The following OR2J1 variants were observed in gnomAD, a reference collection of about 807,000 sequenced individuals.
OR2J1 encodes the protein olfactory receptor 2J1.
In OR2J1, 10 loss-of-function variants were observed where a neutral mutation model predicts 10.2. That is an observed-to-expected ratio of 0.98 (90% CI 0.60 to 1.66). The LOEUF is 1.66. OR2J1 is among the 40% of genes most tolerant of loss of function. The pLI is 0.00. For missense variants in OR2J1, 317 were observed against 379.4 expected (o/e 0.84, Z 1.37); for synonymous variants, 143 against 138.8 (o/e 1.03, Z -0.21).
Position 29,102,118 on chromosome 6 carries a change from G to A in OR2J1, c.*237G>A. On this transcript the variant is annotated 3_prime_UTR_variant, in exon 2 of 2. Transcript: ENST00000641659. ...CTATATTTATTTCCATGAAAATTGT[G>A]GACTGTGGTTTCAACATAAATAAAT... 1 of 424,356 alleles carries A rather than the reference G, an allele frequency of 2.4e-6. No individual in the cohort carries two copies. Among genetic ancestry groups the A allele is most frequent in the Non-Finnish European group, 4.1e-6 (1 of 241,120 alleles). 26.3% of individuals were successfully genotyped at this position (424,356 alleles called of 1,614,324 possible).
Position 29,101,951 on chromosome 6 carries a change from T to C in OR2J1, c.*70T>C. 1.5e-6 allele frequency: 1 copy of C among 659,928 alleles called. No individual in the cohort carries two copies. 40.9% of individuals were successfully genotyped at this position (659,928 alleles called of 1,614,324 possible). A position where few individuals can be genotyped will look rare whatever the true frequency, so the allele number is the denominator to read the frequency against. ...TTTTGAAAGGTTGTTTCCCTGCTTC[T>C]TTGTGATTTGTGTTTCATCTAACAG... On this transcript the variant is annotated 3_prime_UTR_variant, in exon 2 of 2. Transcript: ENST00000641659.
rs746609332 is a variant in OR2J1 at position 29,101,309 on chromosome 6, C to T, written c.367C>T (p.Arg123Cys). Residue 123 changes from arginine to cysteine, a missense_variant, in exon 2 of 2, where the codon CGT (arginine) becomes TGT (cysteine). Physicochemically the swap from Arg to Cys is radical, Grantham distance 180 (BLOSUM62 -3). Coordinates refer to ENST00000641659, the MANE Select transcript of OR2J1 (RefSeq NM_001348294.2). ...CVLLVVMSYD[R>C]YAAVCRPLHY... ...CCTACTGGTGGTGATGTCCTATGAT[C>T]GTTATGCAGCTGTGTGTAGACCTTT... is the stretch of plus-strand genomic sequence containing the variant. 8 of 1,602,504 alleles carry T rather than the reference C, an allele frequency of 5.0e-6. No homozygotes were observed. Among genetic ancestry groups the T allele is most frequent in the East Asian group, 4.5e-5 (2 of 44,868 alleles).
At position 29,101,725 on chromosome 6, in the gene OR2J1, C is replaced by A; in HGVS notation, c.783C>A (p.Leu261=). The A allele has an allele frequency of 6.2e-7, 1 of 1,613,650 alleles. No individual in the cohort carries two copies. Among genetic ancestry groups the A allele is most frequent in the Admixed American group, 1.7e-5 (1 of 60,018 alleles). ...TCATTCCAGTCATGTGCATGTATCTCCAGCCACCATCAGAAAATTCTCAAG... is the reference window on the plus strand; with the variant it reads ...TCATTCCAGTCATGTGCATGTATCTACAGCCACCATCAGAAAATTCTCAAG... ...LFFIPVMCMY[L]QPPSENSQDQ... Residue 261 remains leucine (L), a synonymous_variant, in exon 2 of 2, where the codon CTC becomes CTA. Coordinates refer to ENST00000641659, the MANE Select transcript of OR2J1 (RefSeq NM_001348294.2).
At position 29,101,935 on chromosome 6, in the gene OR2J1, G is replaced by A; in HGVS notation, c.*54G>A. On this transcript the variant is annotated 3_prime_UTR_variant, in exon 2 of 2. Coordinates refer to ENST00000641659, the MANE Select transcript of OR2J1 (RefSeq NM_001348294.2). ...CCTAGGGTCTTATCCATTTTGAAAG[G>A]TTGTTTCCCTGCTTCTTTGTGATTT... 1.4e-6 allele frequency: 1 copy of A among 726,324 alleles called. No individual in the cohort carries two copies. Among genetic ancestry groups the A allele is most frequent in the Non-Finnish European group, 2.4e-6 (1 of 421,336 alleles). 45.0% of individuals were successfully genotyped at this position (726,324 alleles called of 1,614,324 possible).
At position 29,101,394 on chromosome 6, in the gene OR2J1, T is replaced by A. The variant is rs201705341; in HGVS notation, c.452T>A (p.Val151Glu). 1 of 1,570,338 alleles carries A rather than the reference T, an allele frequency of 6.4e-7. No individual in the cohort carries two copies. The highest frequency in any genetic ancestry group is 8.8e-7 in the Non-Finnish European group (1 of 1,139,886). Residue 151 changes from valine to glutamate, a missense_variant, in exon 2 of 2, where the codon GTA becomes GAA. Coordinates refer to ENST00000641659, the MANE Select transcript of OR2J1 (RefSeq NM_001348294.2). ...CGCTTGTTGGCTGCGGCTTCTTGGG[T>A]AAGTGGTTTTACAACCTCAGCACTT... ...FCRLLAAASWVSGFTTSALHS... is the reference protein window; with the variant it reads ...FCRLLAAASWESGFTTSALHS...
At position 29,101,141 on chromosome 6, in the gene OR2J1, C is replaced by G. The variant is rs1761573071; in HGVS notation, c.199C>G (p.Leu67Val). Reference protein sequence around the residue: ...HTPMYFFLSNLSFLDLCYTTS... With the variant: ...HTPMYFFLSNVSFLDLCYTTS... ...TCCCATGTACTTCTTCCTTTCAAAT[C>G]TCTCATTTCTGGATCTCTGCTACAC... The change falls in exon 2 of 2, where the codon CTC becomes GTC. Residue 67 changes from leucine (L) to valine (V), a missense_variant. Leu to Val is a conservative substitution (Grantham distance 32, BLOSUM62 1). Transcript: ENST00000641659. 1 of 1,581,776 alleles carries G rather than the reference C, an allele frequency of 6.3e-7. No individual in the cohort carries two copies. Among genetic ancestry groups the G allele is most frequent in the South Asian group, 1.1e-5 (1 of 90,356 alleles).
chr6:29,101,937 T>C lies in OR2J1; in HGVS notation c.*56T>C, dbSNP rs936864299. 4 of 713,130 alleles carry C rather than the reference T, an allele frequency of 5.6e-6. No individual in the cohort carries two copies. Among genetic ancestry groups the C allele is most frequent in the African/African-American group, 1.8e-5 (1 of 56,728 alleles). 44.2% of individuals were successfully genotyped at this position (713,130 alleles called of 1,614,324 possible). ...TAGGGTCTTATCCATTTTGAAAGGTTGTTTCCCTGCTTCTTTGTGATTTGT... is the reference window on the plus strand; with the variant it reads ...TAGGGTCTTATCCATTTTGAAAGGTCGTTTCCCTGCTTCTTTGTGATTTGT... On this transcript the variant is annotated 3_prime_UTR_variant, in exon 2 of 2. Transcript: ENST00000641659.
rs529532259 is a variant in OR2J1, at chr6:29,101,209, G to A, written c.267G>A (p.Pro89=). 115 of 1,597,530 alleles carry A rather than the reference G, an allele frequency of 7.2e-5. No individual in the cohort carries two copies. In the South Asian group the frequency reaches 1.0e-3, roughly 14 times the overall value. Residue 89 remains proline (P), a synonymous_variant, in exon 2 of 2, where the codon CCG becomes CCA. Transcript: ENST00000641659. ...IPQLLVNLWG[P]EKTISYAGCT... Reference sequence around the variant, plus strand: ...AGTTGCTGGTGAATCTCTGGGGCCCGGAAAAGACCATCTCTTATGCTGGTT... The same window carrying A: ...AGTTGCTGGTGAATCTCTGGGGCCCAGAAAAGACCATCTCTTATGCTGGTT...
In OR2J1 at chr6:29,100,835, G is replaced by A; in HGVS notation, c.-108G>A. On this transcript the variant is annotated 5_prime_UTR_variant, in exon 2 of 2. It introduces an in-frame stop codon into an upstream open reading frame of the 5' UTR. Transcript: ENST00000641659. ...ACTGCCATAATGGTGCACACTATCT[G>A]GAATTGGGATACTTTTTTCTCCAAT... 1.6e-6 allele frequency: 1 copy of A among 633,716 alleles called. No individual in the cohort carries two copies. Among genetic ancestry groups the A allele is most frequent in the Non-Finnish European group, 2.8e-6 (1 of 354,242 alleles). 39.3% of individuals were successfully genotyped at this position (633,716 alleles called of 1,614,324 possible).
Position 29,101,026 on chromosome 6 carries a change from C to G in OR2J1, c.84C>G (p.Leu28=), listed in dbSNP as rs141855056. 1.1e-5 allele frequency: 17 copies of G among 1,507,742 alleles called. No homozygotes were observed. The African/African-American group carries it at 2.1e-4, about 18-fold the overall frequency. The allele number at this position is 1,507,742 out of a possible 1,614,324, so 93.4% of individuals were successfully genotyped here. ...ACTGGCCTCATCTGGAAGTAGTTCT[C>G]TTTGTGGTTATCTTGATCTTCTACT... The part of the protein sequence containing the change: ...FSNWPHLEVV[L]FVVILIFYLI... The change falls in exon 2 of 2, where the codon CTC becomes CTG. Residue 28 remains leucine, a synonymous_variant. Transcript: ENST00000641659.
In OR2J1 at chr6:29,101,691, C is replaced by A; in HGVS notation, c.749C>A (p.Ser250Tyr). The A allele has an allele frequency of 6.2e-7, 1 of 1,613,756 alleles. No individual in the cohort carries two copies. The highest frequency in any genetic ancestry group is 8.5e-7 in the Non-Finnish European group (1 of 1,179,678). The change falls in exon 2 of 2, where the codon TCT (serine) becomes TAT (tyrosine). Residue 250 changes from serine (S) to tyrosine (Y), a missense_variant. Physicochemically the swap from Ser to Tyr is moderately radical, Grantham distance 144. Transcript: ENST00000641659. ...RTCGAHLMVVSLFFIPVMCMY... is the reference protein window; with the variant it reads ...RTCGAHLMVVYLFFIPVMCMY... ...TGTGGAGCCCATCTTATGGTTGTAT[C>A]TCTCTTTTTCATTCCAGTCATGTGC... is the stretch of plus-strand genomic sequence containing the variant.
Position 29,102,698 on chromosome 6 carries a change from CTG to C in OR2J1, c.*818_*819del, listed in dbSNP as rs1203882962. The C allele has an allele frequency of 2.0e-5, 3 of 152,134 alleles. No homozygotes were observed. Among genetic ancestry groups the C allele is most frequent in the Non-Finnish European group, 4.4e-5 (3 of 68,012 alleles). The allele number at this position is 152,134 out of a possible 1,614,324, so 9.4% of individuals were successfully genotyped here. The stretch of plus-strand genomic sequence containing the variant: ...TATCTGTACATGGCTTAATTTGTCA[CTG>C]GGGTTAATGCTAATAAATTAAGATA... On this transcript the variant is annotated 3_prime_UTR_variant, in exon 2 of 2. Coordinates refer to ENST00000641659, the MANE Select transcript of OR2J1 (RefSeq NM_001348294.2).
chr6:29,101,734 A>G lies in OR2J1; in HGVS notation c.792A>G (p.Pro264=), dbSNP rs1761633400. 2 of 1,613,678 alleles carry G rather than the reference A, an allele frequency of 1.2e-6. No homozygotes were observed. Among genetic ancestry groups the G allele is most frequent in the African/African-American group, 2.7e-5 (2 of 75,022 alleles). ...IPVMCMYLQP[P]SENSQDQGKF... is the part of the protein sequence containing the mutation. Reference sequence around the variant, plus strand: ...TCATGTGCATGTATCTCCAGCCACCATCAGAAAATTCTCAAGATCAAGGCA... The same window carrying G: ...TCATGTGCATGTATCTCCAGCCACCGTCAGAAAATTCTCAAGATCAAGGCA... Residue 264 remains proline, a synonymous_variant, in exon 2 of 2, where the codon CCA becomes CCG. Coordinates refer to ENST00000641659, the MANE Select transcript of OR2J1 (RefSeq NM_001348294.2).
At position 29,102,598 on chromosome 6, in the gene OR2J1, T is replaced by A. The variant is rs1761704771; in HGVS notation, c.*717T>A. Reference sequence around the variant, plus strand: ...TTTGTGAAATTCTTGGTAACATGTATAAATATAACATACTTTGTCTGAACA... The same window carrying A: ...TTTGTGAAATTCTTGGTAACATGTAAAAATATAACATACTTTGTCTGAACA... On this transcript the variant is annotated 3_prime_UTR_variant, in exon 2 of 2. Transcript: ENST00000641659. 6.6e-6 allele frequency: 1 copy of A among 152,204 alleles called. No homozygotes were observed. Among genetic ancestry groups the A allele is most frequent in the South Asian group, 2.1e-4 (1 of 4,838 alleles). The allele number at this position is 152,204 out of a possible 1,614,324, so 9.4% of individuals were successfully genotyped here.
At position 29,099,608 on chromosome 6, in the gene OR2J1, G is replaced by A. The variant is rs1357563098; in HGVS notation, c.-434G>A. Reference sequence around the variant, plus strand: ...TTACAGAATATTACCTTTCAACCTAGCGAAATTTTTAAAAAAATTCTTGCA... The same window carrying A: ...TTACAGAATATTACCTTTCAACCTAACGAAATTTTTAAAAAAATTCTTGCA... On this transcript the variant is annotated 5_prime_UTR_variant, in exon 1 of 2. Transcript: ENST00000641659. 2 of 152,146 alleles carry A rather than the reference G, an allele frequency of 1.3e-5. No homozygotes were observed. Among genetic ancestry groups the A allele is most frequent in the Middle Eastern group, 3.4e-3 (1 of 294 alleles). The allele number at this position is 152,146 out of a possible 1,614,324, so 9.4% of individuals were successfully genotyped here.
chr6:29,100,503 G>A (rs1761529768), intron 1 of OR2J1: 1 of 152,984 alleles, frequency 6.5e-6, no homozygotes. Flanking sequence ...CTACCTAATT[G>A]CTCTTTAACA....
rs9295790 is a variant in OR2J1, at chr6:29,102,651, C to T, written c.*770C>T. ...ATGCACTCTCTATCGGGAAAAATGG[C>T]AACATAAGATAAAAGATGAAGTATC... On this transcript the variant is annotated 3_prime_UTR_variant, in exon 2 of 2. Transcript: ENST00000641659. 0.34 allele frequency: 51,523 copies of T among 151,930 alleles called. 10,295 individuals carry two copies. The highest frequency in any genetic ancestry group is 0.55 in the African/African-American group (22,944 of 41,438). 9.4% of individuals were successfully genotyped at this position (151,930 alleles called of 1,614,324 possible).
rs775277399 is a variant in OR2J1 at position 29,102,310 on chromosome 6, T to C, written c.*429T>C. On this transcript the variant is annotated 3_prime_UTR_variant, in exon 2 of 2. Transcript: ENST00000641659. ...TTATTAAATAAACCTTAAATGAAGC[T>C]AAAAATAGTCACAGCAAAGAAAAAT... 1.3e-5 allele frequency: 2 copies of C among 157,220 alleles called. No individual in the cohort carries two copies. The highest frequency in any genetic ancestry group is 2.8e-5 in the Non-Finnish European group (2 of 71,504). 9.7% of individuals were successfully genotyped at this position (157,220 alleles called of 1,614,324 possible).
chr6:29,099,792 C>G lies in OR2J1; in HGVS notation c.-250C>G, dbSNP rs1475012425. 2 of 152,238 alleles carry G rather than the reference C, an allele frequency of 1.3e-5. No individual in the cohort carries two copies. Among genetic ancestry groups the G allele is most frequent in the Middle Eastern group, 3.4e-3 (1 of 292 alleles). 9.4% of individuals were successfully genotyped at this position (152,238 alleles called of 1,614,324 possible). A position where few individuals can be genotyped will look rare whatever the true frequency, so the allele number is the denominator to read the frequency against. ...TGTAACTCAACTAATTAGGCAAACC[C>G]TTACATCTTTTTCAAGAGTCAAGAT... On this transcript the variant is annotated 5_prime_UTR_variant, in exon 1 of 2. Coordinates refer to ENST00000641659, the MANE Select transcript of OR2J1 (RefSeq NM_001348294.2).
Sources: gnomAD v4.1 joint callset for allele counts on GRCh38, gnomAD v4.1.1 for gene constraint, MANE v1.5 for transcripts, NCBI Gene and HGNC (gene_info 2026-07-23, HGNC 2026-07-21) for gene names.